Variants in ANKRD29 observed in about 807,000 individuals in gnomAD.
ANKRD29 encodes ankyrin repeat domain-containing protein 29.
In ANKRD29, 32 loss-of-function variants were observed where a neutral mutation model predicts 38.0. The ratio of observed to expected loss-of-function variants is 0.84; its 90% CI spans 0.64 to 1.13. The LOEUF is 1.13. ANKRD29 is among the 50% of genes most tolerant of loss of function. The probability of loss-of-function intolerance (pLI) is 0.00; values close to 1 mark genes in which losing one functional copy is unlikely to be tolerated. For synonymous variants in ANKRD29, 135 were observed against 152.4 expected (o/e 0.89, Z 0.84); for missense variants, 357 against 377.9 (o/e 0.94, Z 0.46).
rs1427674101 is a variant in ANKRD29, at chr18:23,619,522, G to A, written c.627+9C>T. 4.4e-6 allele frequency: 7 copies of A among 1,581,824 alleles called. No individual in the cohort carries two copies. The highest frequency in any genetic ancestry group is 2.3e-5 in the East Asian group (1 of 44,132). On this transcript the variant is annotated intron_variant, in intron 7 of 9. Coordinates refer to ENST00000592179, the MANE Select transcript of ANKRD29 (RefSeq NM_173505.4). ...CTTCGCTCTTTGGCCGCGCGACTCG[G>A]GCACTCACGTTCCGCGCAGCGTCGC...
At chr18:23,617,579 C>CAGCA (rs1449517771) in intron 8 of ANKRD29, among the ~76,000 whole-genome samples, 153 bp downstream of exon 8, 1 of 152,122 alleles carries the variant, frequency 6.6e-6, no homozygotes, top group Non-Finnish European at 1.5e-5. Flanking sequence ...ACCAGAGCCC[C>CAGCA]TGGGATCTCC....
intron 9 of ANKRD29, among the ~76,000 whole-genome samples, chr18:23,607,820 A>C (rs911280287): frequency 6.6e-6 from 1 of 152,052 alleles, no homozygotes; most frequent in African/African-American, 2.4e-5. Context: ...TAAACCACTA[A>C]ATCTCCCCAC....
In ANKRD29 at chr18:23,627,816, T is replaced by A. The variant is rs377591132; in HGVS notation, c.528+2037A>T. The stretch of plus-strand genomic sequence containing the variant: ...AACCAATTCCTTTTACTAATTTTAG[T>A]AAAATGAATCATCTGATTCAGAATC... On this transcript the variant is annotated intron_variant, in intron 6 of 9. Coordinates refer to ENST00000592179, the MANE Select transcript of ANKRD29 (RefSeq NM_173505.4). Among the ~76,000 whole-genome samples the A allele has an allele frequency of 5.3e-5, 8 of 152,286 alleles. No individual in the cohort carries two copies. The East Asian group carries it at 1.5e-3, about 29-fold the overall frequency.
intron 5 of ANKRD29, among the ~76,000 whole-genome samples, chr18:23,632,533 G>GTATATATATATATATATATATATATATA (rs61584775): frequency 1.2e-4 from 16 of 130,926 alleles, no homozygotes; most frequent in East Asian, 6.6e-4. Context: ...GTGTGTGTGT[G>GTATATATATATATATATATATATATATA]TATATATATA....
At chr18:23,619,699 A>G (rs1253353095) in intron 6 of ANKRD29, 70 bp from the exon 7 acceptor site, 1 of 1,350,994 alleles carries the variant, frequency 7.4e-7, no homozygotes, top group East Asian at 2.5e-5. Context: ...GAACGTCTTT[A>G]ACACCAGGGG....
At chr18:23,611,252 A>G (rs112950812) in intron 9 of ANKRD29, among the ~76,000 whole-genome samples, 2 of 152,234 alleles carry the variant, frequency 1.3e-5, no homozygotes, top group African/African-American at 4.8e-5. Flanking sequence ...AGATATGAAC[A>G]TCGAACTTAT....
intron 3 of ANKRD29, among the ~76,000 whole-genome samples, chr18:23,643,696 C>T (rs1013098537): frequency 6.6e-6 from 1 of 152,210 alleles, no homozygotes; most frequent in Non-Finnish European, 1.5e-5. Flanking sequence ...TGTGCAGCTC[C>T]TATGCCTGAG....
Position 23,619,552 on chromosome 18 carries a change from G to C in ANKRD29, c.606C>G (p.Ala202=), listed in dbSNP as rs148907600. ...EVVRVMLLRG[A]DRDAARNDGT... Reference sequence around the variant, plus strand: ...TCACGTTCCGCGCAGCGTCGCGGTCGGCTCCGCGCAGCAGCATCACCCGCA... The same window carrying C: ...TCACGTTCCGCGCAGCGTCGCGGTCCGCTCCGCGCAGCAGCATCACCCGCA... Residue 202 remains alanine, a synonymous_variant, in exon 7 of 10, where the codon GCC becomes GCG. Coordinates refer to ENST00000592179, the MANE Select transcript of ANKRD29 (RefSeq NM_173505.4). 6.3e-7 allele frequency: 1 copy of C among 1,595,238 alleles called. No individual in the cohort carries two copies. Among genetic ancestry groups the C allele is most frequent in the South Asian group, 1.1e-5 (1 of 90,612 alleles).
intron 3 of ANKRD29, among the ~76,000 whole-genome samples, chr18:23,639,840 G>A (rs2060050509): frequency 6.6e-6 from 1 of 152,166 alleles, no homozygotes; most frequent in South Asian, 2.1e-4. Flanking sequence ...CCAGCCTGCT[G>A]TGATATCTAA....
intron 4 of ANKRD29, 31 bp downstream of exon 4, chr18:23,638,818 A>G: frequency 6.4e-7 from 1 of 1,559,746 alleles, no homozygotes; most frequent in Non-Finnish European, 8.8e-7. Context: ...AAATTCTTCA[A>G]CATAATACAA....
chr18:23,660,245 G>T (rs1247213478), intron 1 of ANKRD29, among the ~76,000 whole-genome samples: 1 of 152,178 alleles, frequency 6.6e-6, no homozygotes, highest in Non-Finnish European at 1.5e-5. Flanking sequence ...CATCCTAGCG[G>T]GTATGAAGTG....
intron 3 of ANKRD29, among the ~76,000 whole-genome samples, 190 bp downstream of exon 3, chr18:23,645,999 G>T (rs1486239641): frequency 3.3e-5 from 5 of 152,182 alleles, no homozygotes. Context: ...ATGCCCGACA[G>T]GCTACGCTCA....
chr18:23,604,866 C>T (rs1022207263), intron 9 of ANKRD29, among the ~76,000 whole-genome samples: 2 of 152,172 alleles, frequency 1.3e-5, no homozygotes, highest in African/African-American at 4.8e-5. Context: ...TACTTCAGTA[C>T]ACAGCAGAAG....
chr18:23,653,620 T>A (rs2060238552), intron 1 of ANKRD29, among the ~76,000 whole-genome samples: 1 of 149,686 alleles, frequency 6.7e-6, no homozygotes, highest in African/African-American at 2.5e-5. Context: ...TTCCCTTCCC[T>A]CTTCTCCCCT....
intron 1 of ANKRD29, among the ~76,000 whole-genome samples, chr18:23,659,968 G>A (rs778123190): frequency 5.9e-5 from 9 of 151,494 alleles, no homozygotes; most frequent in Non-Finnish European, 1.0e-4. Context: ...AAAATTAGCC[G>A]GGCGTGGTGG....
At chr18:23,631,168 C>G (rs2059927147) in intron 5 of ANKRD29, among the ~76,000 whole-genome samples, 1 of 151,426 alleles carries the variant, frequency 6.6e-6, no homozygotes, top group South Asian at 2.1e-4. Flanking sequence ...GAGGCTGAGG[C>G]AGGGGGATTG....
intron 3 of ANKRD29, among the ~76,000 whole-genome samples, chr18:23,644,201 T>C (rs910416106): frequency 6.6e-6 from 1 of 152,352 alleles, no homozygotes; most frequent in African/African-American, 2.4e-5. Context: ...ATAGAAACCA[T>C]AGACTGGCTA....
At chr18:23,613,692 C>T (rs540350329) in intron 8 of ANKRD29, among the ~76,000 whole-genome samples, 11 of 150,286 alleles carry the variant, frequency 7.3e-5, no homozygotes, top group African/African-American at 2.4e-4. Context: ...CTCTGCCTCC[C>T]GGGTTCACGC....
intron 3 of ANKRD29, among the ~76,000 whole-genome samples, chr18:23,645,869 A>G (rs962477663): frequency 5.9e-5 from 9 of 152,184 alleles, no homozygotes; most frequent in African/African-American, 2.2e-4. Context: ...TCTATATGAA[A>G]ATGCTATAAA....
Sources: gnomAD v4.1 joint callset for allele counts (sites outside exome capture counted in the v4.1 genomes callset) on GRCh38, gnomAD v4.1.1 for gene constraint, MANE v1.5 for transcripts, NCBI Gene and HGNC (gene_info 2026-07-23, HGNC 2026-07-21) for gene names.